The following EXOC3L2 variants were observed in gnomAD, a reference collection of about 807,000 sequenced individuals.
The protein encoded by EXOC3L2 is exocyst complex component 3 like 2, also known as exocyst complex component 3-like protein 2.
In EXOC3L2, 17 loss-of-function variants were observed where a neutral mutation model predicts 44.4. That is an observed-to-expected ratio of 0.38 (90% CI 0.26 to 0.57). The LOEUF (loss-of-function observed/expected upper bound fraction) is 0.57. Among genes scored for constraint, EXOC3L2 ranks in the 20% least tolerant of loss-of-function variants. The pLI, the probability that EXOC3L2 is intolerant of heterozygous loss-of-function variation, is 0.65. For missense variants in EXOC3L2, 541 were observed against 588.4 expected, an observed-to-expected ratio of 0.92 and a Z score of 0.83; for synonymous variants, 256 against 253.7, an observed-to-expected ratio of 1.01 and a Z score of -0.09.
chr19:45,224,768 CCTCA>C lies in EXOC3L2; in HGVS notation c.1719+6_1719+9del. On this transcript the variant is annotated splice_donor_region_variant and intron_variant, in intron 8 of 11. Transcript: ENST00000413988. The stretch of plus-strand genomic sequence containing the variant: ...CATGGGCCCCAACCCTGGCCTCCCA[CCTCA>C]CTCACCTGCAGCTCCTGGAACAGCA... 3 of 1,549,112 alleles carry C rather than the reference CCTCA, an allele frequency of 1.9e-6. No individual in the cohort carries two copies. The highest frequency in any genetic ancestry group is 2.6e-6 in the Non-Finnish European group (3 of 1,145,706).
rs10411314 is a variant in EXOC3L2, at chr19:45,224,801, T to C, written c.1696A>G (p.Asn566Asp). The change falls in exon 8 of 12, where the codon AAC (asparagine) becomes GAC (aspartate). Residue 566 changes from asparagine to aspartate, a missense_variant. Physicochemically the swap from Asn to Asp is conservative, Grantham distance 23 (BLOSUM62 1). Coordinates refer to ENST00000413988, the MANE Select transcript of EXOC3L2 (RefSeq NM_001382422.1). The part of the protein sequence containing the change: ...VTRLCHRVVA[N>D]LLFQELQPHF... ...ACCTGCAGCTCCTGGAACAGCAGGTTGGCCACGACACGGTGGCAGAGCCGG... is the reference window on the plus strand; with the variant it reads ...ACCTGCAGCTCCTGGAACAGCAGGTCGGCCACGACACGGTGGCAGAGCCGG... The C allele has an allele frequency of 0.055, 86,465 of 1,562,700 alleles. 3,161 individuals are homozygous for C. The highest frequency in any genetic ancestry group is 0.16 in the African/African-American group (11,675 of 73,662).
rs537383499 is a variant in EXOC3L2, at chr19:45,217,518, C to G, written c.1998+10G>C. On this transcript the variant is annotated intron_variant, in intron 10 of 11. Coordinates refer to ENST00000413988, the MANE Select transcript of EXOC3L2 (RefSeq NM_001382422.1). ...TTCTGAAACACCCCCAACCGCGTCC[C>G]GACACTGACCAGCCGCCGGAACAGC... The G allele has an allele frequency of 7.6e-6, 12 of 1,571,406 alleles. No individual in the cohort carries two copies. Among genetic ancestry groups the G allele is most frequent in the African/African-American group, 7.0e-5 (5 of 71,544 alleles).
intron 4 of EXOC3L2, among the ~76,000 whole-genome samples, chr19:45,230,412 G>T (rs979250751): frequency 6.6e-6 from 1 of 152,092 alleles, no homozygotes; most frequent in South Asian, 2.1e-4. Flanking sequence ...TAGAGACGGG[G>T]TTTCACTGTG....
At chr19:45,214,763 C>A (rs1477967110) in intron 11 of EXOC3L2, among the ~76,000 whole-genome samples, 1 of 152,056 alleles carries the variant, frequency 6.6e-6, no homozygotes, top group Non-Finnish European at 1.5e-5. Flanking sequence ...CCATGCCCGG[C>A]CGATCTGGTG....
intron 10 of EXOC3L2, 69 bp from the exon 11 acceptor site, chr19:45,216,263 G>C (rs1969834052): frequency 6.4e-7 from 1 of 1,571,176 alleles, no homozygotes; most frequent in South Asian, 1.2e-5. Context: ...GCCCCTCCTG[G>C]CTTGTTATAC....
intron 2 of EXOC3L2, among the ~76,000 whole-genome samples, chr19:45,235,567 G>T (rs1372152482): frequency 6.6e-6 from 1 of 152,066 alleles, no homozygotes; most frequent in Non-Finnish European, 1.5e-5. Flanking sequence ...CTGGCCCTCT[G>T]ATGAGTTCAG....
chr19:45,222,083 G>A (rs577375810), intron 8 of EXOC3L2, among the ~76,000 whole-genome samples: 14 of 151,278 alleles, frequency 9.3e-5, no homozygotes, highest in African/African-American at 2.4e-4. Context: ...TGCACACGGC[G>A]CACACACACA....
chr19:45,227,521 A>G, intron 7 of EXOC3L2, 141 bp downstream of exon 7: 1 of 642,040 alleles, frequency 1.6e-6, no homozygotes, highest in South Asian at 1.9e-5. Flanking sequence ...TGTTTCAAGG[A>G]CTCCCAGATT....
chr19:45,227,210 C>T (rs1403990902), intron 7 of EXOC3L2, among the ~76,000 whole-genome samples: 3 of 151,382 alleles, frequency 2.0e-5, no homozygotes, highest in East Asian at 1.9e-4. Flanking sequence ...CTCCGCCTCC[C>T]GGGTTCTCAC....
Position 45,231,790 on chromosome 19 carries a change from C to A in EXOC3L2, c.1242G>T (p.Leu414Phe). 1 of 1,610,666 alleles carries A rather than the reference C, an allele frequency of 6.2e-7. No individual in the cohort carries two copies. The highest frequency in any genetic ancestry group is 8.5e-7 in the Non-Finnish European group (1 of 1,177,360). ...PLLSPGTLRG[L>F]EDECVTDVKA... The stretch of plus-strand genomic sequence containing the variant: ...TAACATCTGTGACGCATTCATCCTC[C>A]AAACCCCGCAGGGTGCCAGGGGAGA... The change falls in exon 4 of 12, where the codon TTG becomes TTT. Residue 414 changes from leucine to phenylalanine, a missense_variant. By Grantham distance (22) the Leu-to-Phe change is conservative. Coordinates refer to ENST00000413988, the MANE Select transcript of EXOC3L2 (RefSeq NM_001382422.1).
intron 6 of EXOC3L2, 92 bp from the exon 7 acceptor site, chr19:45,227,864 A>T: frequency 6.6e-7 from 1 of 1,504,664 alleles, no homozygotes; most frequent in Non-Finnish European, 9.1e-7. Context: ...CTGCGGTGGC[A>T]CTCTACCTGT....
At chr19:45,230,937 A>C (rs185904773) in intron 4 of EXOC3L2, among the ~76,000 whole-genome samples, 2 of 150,674 alleles carry the variant, frequency 1.3e-5, no homozygotes, top group Admixed American at 1.3e-4. Context: ...TTTTTTTTTT[A>C]AATTATCCAG....
chr19:45,243,723 G>T (rs1421643997), intron 1 of EXOC3L2, among the ~76,000 whole-genome samples: 1 of 151,798 alleles, frequency 6.6e-6, no homozygotes, highest in African/African-American at 2.4e-5. Flanking sequence ...CCACCTCCAG[G>T]GTTCAAGCGA....
chr19:45,230,074 G>T (rs1444923350), intron 4 of EXOC3L2, among the ~76,000 whole-genome samples: 1 of 151,790 alleles, frequency 6.6e-6, no homozygotes, highest in Non-Finnish European at 1.5e-5. Context: ...CCCCAGGCTG[G>T]TGTGCAGTGG....
rs527438791 is a variant in EXOC3L2, at chr19:45,226,624, T to G, written c.1583+1038A>C. ...GCTAATTTTTGTATTTTTTTAGAGATGGGGTTTCACCATGTTGACCAGGCT... is the reference window on the plus strand; with the variant it reads ...GCTAATTTTTGTATTTTTTTAGAGAGGGGGTTTCACCATGTTGACCAGGCT... On this transcript the variant is annotated intron_variant, in intron 7 of 11. Transcript: ENST00000413988. 1.0e-3 allele frequency among the ~76,000 whole-genome samples: 159 copies of G among 151,790 alleles called. 1 individual carries two copies. The highest frequency in any genetic ancestry group is 3.7e-3 in the African/African-American group (153 of 41,390).
intron 1 of EXOC3L2, among the ~76,000 whole-genome samples, chr19:45,239,542 A>G (rs1970113788): frequency 8.0e-6 from 1 of 124,542 alleles, no homozygotes. Context: ...TTTGAGATGG[A>G]GTCTCACTCA....
intron 11 of EXOC3L2, among the ~76,000 whole-genome samples, chr19:45,213,737 G>C (rs1969803884): frequency 1.3e-5 from 2 of 151,828 alleles, no homozygotes; most frequent in Non-Finnish European, 1.5e-5. Flanking sequence ...CTGAGGTCAG[G>C]AGTTCGAGAC....
chr19:45,216,114 C>G lies in EXOC3L2; in HGVS notation c.2079G>C (p.Gln693His). 1 of 1,614,050 alleles carries G rather than the reference C, an allele frequency of 6.2e-7. No individual in the cohort carries two copies. Among genetic ancestry groups the G allele is most frequent in the Non-Finnish European group, 8.5e-7 (1 of 1,179,988 alleles). Residue 693 changes from glutamine (Q) to histidine (H), a missense_variant, in exon 11 of 12, where the codon CAG becomes CAC. Coordinates refer to ENST00000413988, the MANE Select transcript of EXOC3L2 (RefSeq NM_001382422.1). ...VMQLEDTPSIQVEVGVLVRDY... is the reference protein window; with the variant it reads ...VMQLEDTPSIHVEVGVLVRDY... ...CGCGCACCAACACTCCCACCTCCAC[C>G]TGGATGCTGGGCGTGTCTTCCAGCT...
intron 7 of EXOC3L2, 142 bp from the exon 8 acceptor site, chr19:45,225,055 A>T: frequency 1.7e-5 from 14 of 838,594 alleles, no homozygotes; most frequent in African/African-American, 2.3e-5. Flanking sequence ...GACTCTGGAG[A>T]GGGGTCAGGG....
Sources: gnomAD v4.1 joint callset for allele counts (sites outside exome capture counted in the v4.1 genomes callset) on GRCh38, gnomAD v4.1.1 for gene constraint, MANE v1.5 for transcripts, NCBI Gene and HGNC (gene_info 2026-07-23, HGNC 2026-07-21) for gene names.